The following SIMC1 variants were observed in gnomAD, a reference collection of about 807,000 sequenced individuals.
The protein encoded by SIMC1 is SUMO interacting motifs containing 1.
In SIMC1, 55 loss-of-function variants were observed where a neutral mutation model predicts 82.3. The ratio of observed to expected loss-of-function variants is 0.67; its 90% confidence interval spans 0.54 to 0.84. The LOEUF is 0.84. Among genes scored for constraint, SIMC1 ranks in the 40% least tolerant of loss-of-function variants. SIMC1 has a pLI of 0.00. For synonymous variants in SIMC1, 353 were observed against 426.3 expected (o/e 0.83, Z 2.12); for missense variants, 915 against 1,107.2 (o/e 0.83, Z 2.46).
At chr5:176,248,262 T>C (rs909973257) in intron 1 of SIMC1, among the ~76,000 whole-genome samples, 1 of 152,164 alleles carries the variant, frequency 6.6e-6, no homozygotes, top group African/African-American at 2.4e-5. Context: ...TTCCATTTGT[T>C]TGTGTCCTCT....
At chr5:176,282,519 T>C (rs553278967) in intron 1 of SIMC1, among the ~76,000 whole-genome samples, 119 of 152,354 alleles carry the variant, frequency 7.8e-4, no homozygotes, top group Non-Finnish European at 1.4e-3. Flanking sequence ...ACCCGTCTTC[T>C]GCGTCGCTCA....
chr5:176,289,158 A>G (rs1219258485), intron 1 of SIMC1, among the ~76,000 whole-genome samples: 2 of 152,118 alleles, frequency 1.3e-5, no homozygotes, highest in Non-Finnish European at 2.9e-5. Flanking sequence ...AGATAACCTA[A>G]CCCCTCTGAA....
At chr5:176,329,344 G>T (rs560353935) in intron 7 of SIMC1, among the ~76,000 whole-genome samples, 1 of 151,982 alleles carries the variant, frequency 6.6e-6, no homozygotes, top group Non-Finnish European at 1.5e-5. Flanking sequence ...GGTGGCGGGC[G>T]CCTGTAGTCC....
At chr5:176,305,609 C>G (rs1257079084) in intron 4 of SIMC1, among the ~76,000 whole-genome samples, 4 of 138,754 alleles carry the variant, frequency 2.9e-5, no homozygotes, top group Admixed American at 6.9e-5. Context: ...CCGGCCAACC[C>G]CCCCGTCTGG....
At chr5:176,280,886 G>C (rs1385320539) in intron 1 of SIMC1, among the ~76,000 whole-genome samples, 1 of 152,014 alleles carries the variant, frequency 6.6e-6, no homozygotes, top group East Asian at 1.9e-4. Context: ...TTTCAACTTT[G>C]GTGAATCTGA....
chr5:176,251,639 G>T (rs1761657256), intron 1 of SIMC1, among the ~76,000 whole-genome samples: 1 of 150,808 alleles, frequency 6.6e-6, no homozygotes, highest in Non-Finnish European at 1.5e-5. Context: ...AGGGGGATTT[G>T]GCAGGGTCAT....
intron 1 of SIMC1, among the ~76,000 whole-genome samples, chr5:176,288,723 A>G (rs1437768025): frequency 6.6e-6 from 1 of 152,204 alleles, no homozygotes; most frequent in Admixed American, 6.5e-5. Context: ...GTGACCATCT[A>G]TTAAGAGAAA....
chr5:176,272,199 G>A (rs72825313), intron 1 of SIMC1, among the ~76,000 whole-genome samples: 7,799 of 37,514 alleles, frequency 0.21, 972 homozygotes, highest in Middle Eastern at 0.32. Context: ...AAAAAAAAAA[G>A]GTGGGCATGG....
intron 1 of SIMC1, among the ~76,000 whole-genome samples, chr5:176,285,066 G>A (rs1763205548): frequency 6.6e-6 from 1 of 152,326 alleles, no homozygotes; most frequent in South Asian, 2.1e-4. Flanking sequence ...GTACAAGGGG[G>A]AGCTGGTACC....
At chr5:176,336,965 C>T in intron 8 of SIMC1, 89 bp downstream of exon 8, 2 of 1,598,688 alleles carry the variant, frequency 1.3e-6, no homozygotes, top group Non-Finnish European at 1.7e-6. Flanking sequence ...GCTTAAAACA[C>T]AACTGTTTGA....
intron 1 of SIMC1, among the ~76,000 whole-genome samples, chr5:176,250,706 C>T (rs185559672): frequency 5.9e-5 from 9 of 152,164 alleles, no homozygotes; most frequent in Non-Finnish European, 1.2e-4. Context: ...ATCCCTTTAC[C>T]ATTATGTAAT....
intron 4 of SIMC1, among the ~76,000 whole-genome samples, chr5:176,312,435 C>T (rs1191326306): frequency 2.0e-5 from 3 of 147,904 alleles, no homozygotes; most frequent in African/African-American, 7.5e-5. Context: ...ACTTGGGAGG[C>T]TGAGGCTGGA....
chr5:176,252,452 C>G (rs1239874052), intron 1 of SIMC1, among the ~76,000 whole-genome samples: 25 of 147,454 alleles, frequency 1.7e-4, no homozygotes, highest in African/African-American at 5.0e-4. Flanking sequence ...CGCTCCTCAC[C>G]TCCCAGATGG....
chr5:176,336,939 T>C, intron 8 of SIMC1, 63 bp downstream of exon 8: 1 of 1,603,474 alleles, frequency 6.2e-7, no homozygotes, highest in Admixed American at 1.7e-5. Flanking sequence ...GCCCGAACCC[T>C]TCCCATAGGA....
intron 7 of SIMC1, among the ~76,000 whole-genome samples, chr5:176,327,092 A>G (rs565587081): frequency 2.1e-4 from 32 of 152,238 alleles, no homozygotes; most frequent in African/African-American, 7.2e-4. Flanking sequence ...TTTGGGTCCA[A>G]CTCCTCTACT....
intron 7 of SIMC1, among the ~76,000 whole-genome samples, chr5:176,332,507 C>T (rs913036184): frequency 2.0e-5 from 3 of 152,100 alleles, no homozygotes; most frequent in Non-Finnish European, 4.4e-5. Flanking sequence ...TCAGGCTAGT[C>T]TCGAACTCCC....
At chr5:176,298,771 A>T (rs1435149177) in intron 4 of SIMC1, among the ~76,000 whole-genome samples, 1 of 152,234 alleles carries the variant, frequency 6.6e-6, no homozygotes, top group African/African-American at 2.4e-5. Context: ...ACTTTAAGAC[A>T]TGTTATGTGA....
intron 5 of SIMC1, among the ~76,000 whole-genome samples, chr5:176,315,977 C>A (rs1764884725): frequency 6.6e-6 from 1 of 151,454 alleles, no homozygotes; most frequent in Admixed American, 6.6e-5. Context: ...GAGTTCAAGA[C>A]CAGCCTGGCC....
In SIMC1 at chr5:176,290,648, A is replaced by G. The variant is rs529897288; in HGVS notation, c.1124A>G (p.Gln375Arg). ...HLPGDRPDFT[Q>R]NDVQNRDMPM... is the part of the protein sequence containing the mutation. ...CCAGGAGACAGGCCTGACTTTACCCAGAATGATGTACAGAACCGTGACATG... is the reference window on the plus strand; with the variant it reads ...CCAGGAGACAGGCCTGACTTTACCCGGAATGATGTACAGAACCGTGACATG... Residue 375 changes from glutamine (Q) to arginine (R), a missense_variant, in exon 2 of 10, where the codon CAG (glutamine) becomes CGG (arginine). By Grantham distance (43) the Gln-to-Arg change is conservative. This residue lies in a region of SIMC1 where 902 missense variants were observed against 1,040.3 expected (regional missense o/e 0.87). Transcript: ENST00000429602. The G allele has an allele frequency of 1.9e-6, 3 of 1,614,044 alleles. No homozygotes were observed. In the African/African-American group the frequency reaches 4.0e-5, roughly 22 times the overall value.
Sources: allele counts gnomAD v4.1 joint callset (sites outside exome capture counted in the v4.1 genomes callset), GRCh38; gene constraint gnomAD v4.1.1; regional missense constraint gnomAD v4.1.1; transcripts MANE v1.5; gene names NCBI Gene and HGNC (gene_info 2026-07-23, HGNC 2026-07-21).